Variants in RPS6KA2 observed in about 807,000 individuals in gnomAD.
RPS6KA2 encodes ribosomal protein S6 kinase alpha-2.
RPS6KA2 carries 42 observed loss-of-function variants against 91.8 expected under a neutral mutation model. The observed-to-expected ratio is 0.46, with a 90% CI of 0.36 to 0.59. RPS6KA2 has a LOEUF of 0.59. Ranked by LOEUF, RPS6KA2 falls within the 20% of genes least tolerant of loss-of-function variation. The probability of loss-of-function intolerance (pLI) is 0.00; values close to 1 mark genes in which losing one functional copy is unlikely to be tolerated. For missense variants in RPS6KA2, 798 were observed against 978.5 expected (o/e 0.82, Z 2.46); for synonymous variants, 414 against 393.6 (o/e 1.05, Z -0.61).
intron 3 of RPS6KA2, among the ~76,000 whole-genome samples, chr6:166,523,575 T>TATAATA (rs1055958356): frequency 6.6e-6 from 1 of 152,020 alleles, no homozygotes; most frequent in Admixed American, 6.6e-5. Context: ...TTTATAAAAA[T>TATAATA]ATAATAATAA....
Position 166,531,232 on chromosome 6 carries a change from C to T in RPS6KA2, c.298G>A (p.Val100Ile). 2 of 1,612,778 alleles carry T rather than the reference C, an allele frequency of 1.2e-6. No homozygotes were observed. Among genetic ancestry groups the T allele is most frequent in the Non-Finnish European group, 1.7e-6 (2 of 1,178,760 alleles). ...MKVLKKATLK[V>I]RDRVRSKMER... ...CAGCCGGCCCTTCCGAAGCTCTTAC[C>T]TTTTAGGGTGGCTTTCTTAAGGACC... Residue 100 changes from valine (V) to isoleucine (I), a missense_variant and splice_region_variant, in exon 3 of 21, where the codon GTT becomes ATT. Physicochemically the swap from Val to Ile is conservative, Grantham distance 29. Transcript: ENST00000265678.
At chr6:166,452,865 G>C (rs1473297392) in intron 12 of RPS6KA2, among the ~76,000 whole-genome samples, 1 of 152,144 alleles carries the variant, frequency 6.6e-6, no homozygotes, top group East Asian at 1.9e-4. Flanking sequence ...ATAAATCCTA[G>C]AGAAAACTCT....
chr6:166,466,891 C>CTCCCTTACTCAT (rs55768515), intron 11 of RPS6KA2, among the ~76,000 whole-genome samples: 29,228 of 150,516 alleles, frequency 0.19, 2,960 homozygotes, highest in Admixed American at 0.28. Context: ...CACTCATTCA[C>CTCCCTTACTCAT]TCACTCCCTC....
At chr6:166,470,223 C>T (rs1196304999) in intron 10 of RPS6KA2, among the ~76,000 whole-genome samples, 2 of 152,226 alleles carry the variant, frequency 1.3e-5, no homozygotes, top group African/African-American at 2.4e-5. Flanking sequence ...ACCCCACTGT[C>T]ACCCCCAGGA....
At chr6:166,583,063 A>T (rs368379598) in intron 1 of RPS6KA2, among the ~76,000 whole-genome samples, 5 of 152,228 alleles carry the variant, frequency 3.3e-5, no homozygotes, top group South Asian at 2.1e-4. Flanking sequence ...GACTTGAAGC[A>T]TATACACGAT....
intron 2 of RPS6KA2, among the ~76,000 whole-genome samples, chr6:166,795,207 A>G (rs1779194033): frequency 6.6e-6 from 1 of 152,246 alleles, no homozygotes; most frequent in South Asian, 2.1e-4. Context: ...TCAGTGTCTT[A>G]AAATCATAAA....
At chr6:166,534,510 TACGACCG>T (rs1257440822) in intron 2 of RPS6KA2, among the ~76,000 whole-genome samples, 2 of 152,160 alleles carry the variant, frequency 1.3e-5, no homozygotes, top group Non-Finnish European at 2.9e-5. Context: ...CCATAAGAAG[TACGACCG>T]TATAAACTCA....
chr6:166,842,010 C>T (rs1386379562), intron 2 of RPS6KA2, among the ~76,000 whole-genome samples: 1 of 152,080 alleles, frequency 6.6e-6, no homozygotes, highest in Non-Finnish European at 1.5e-5. Context: ...AAAGCCAGTG[C>T]CCAGGCAGCA....
At chr6:166,590,015 T>C (rs1785305576) in intron 1 of RPS6KA2, among the ~76,000 whole-genome samples, 1 of 151,856 alleles carries the variant, frequency 6.6e-6, no homozygotes, top group Admixed American at 6.6e-5. Flanking sequence ...TTGATTGGGG[T>C]GCTCAGAGGA....
At chr6:166,512,548 C>T (rs889162566) in intron 3 of RPS6KA2, among the ~76,000 whole-genome samples, 3 of 152,228 alleles carry the variant, frequency 2.0e-5, no homozygotes, top group Non-Finnish European at 4.4e-5. Context: ...TTAATACTCA[C>T]ACCTAGGATT....
chr6:166,766,750 T>C (rs1778322016), intron 2 of RPS6KA2, among the ~76,000 whole-genome samples: 1 of 152,266 alleles, frequency 6.6e-6, no homozygotes, highest in Admixed American at 6.5e-5. Flanking sequence ...GTGACTCAAG[T>C]AACTACAGGA....
intron 2 of RPS6KA2, among the ~76,000 whole-genome samples, chr6:166,829,524 A>G (rs1485140134): frequency 7.0e-6 from 1 of 142,286 alleles, no homozygotes; most frequent in Admixed American, 7.4e-5. Context: ...CTGGAGGCGG[A>G]GCTTGCAGTG....
intron 3 of RPS6KA2, among the ~76,000 whole-genome samples, chr6:166,512,812 C>T (rs1378655218): frequency 2.0e-5 from 3 of 152,198 alleles, no homozygotes; most frequent in Non-Finnish European, 2.9e-5. Flanking sequence ...ACACGGGGCC[C>T]GCCCACACTG....
At chr6:166,760,344 G>A (rs79573311) in intron 2 of RPS6KA2, among the ~76,000 whole-genome samples, 2,745 of 152,322 alleles carry the variant, frequency 0.018, 80 homozygotes, top group African/African-American at 0.061. Context: ...ATCTTCTTTC[G>A]AGGATATATT....
intron 1 of RPS6KA2, among the ~76,000 whole-genome samples, chr6:166,572,820 T>C (rs1391736375): frequency 6.6e-6 from 1 of 152,130 alleles, no homozygotes; most frequent in East Asian, 1.9e-4. Context: ...TCATGCAGGG[T>C]GTGAGACAGA....
At chr6:166,747,780 C>G (rs1228961757) in intron 2 of RPS6KA2, among the ~76,000 whole-genome samples, 4 of 152,242 alleles carry the variant, frequency 2.6e-5, no homozygotes, top group African/African-American at 7.2e-5. Context: ...CCTGACTGTA[C>G]TCCCATGGGT....
At chr6:166,844,966 G>GC (rs1780571588) in intron 2 of RPS6KA2, among the ~76,000 whole-genome samples, 1 of 152,064 alleles carries the variant, frequency 6.6e-6, no homozygotes, top group Non-Finnish European at 1.5e-5. Flanking sequence ...TGGCCTAAAT[G>GC]CCCCACTTAA....
intron 12 of RPS6KA2, among the ~76,000 whole-genome samples, chr6:166,454,729 C>A (rs529266278): frequency 1.3e-5 from 2 of 151,958 alleles, no homozygotes; most frequent in African/African-American, 4.8e-5. Context: ...TCAGAAGGAG[C>A]CACAGTTGCA....
chr6:166,851,148 G>A (rs1258708282), intron 2 of RPS6KA2, among the ~76,000 whole-genome samples: 2 of 152,190 alleles, frequency 1.3e-5, no homozygotes, highest in African/African-American at 4.8e-5. Context: ...CAGGGCTGAG[G>A]GAGGGTGCAA....
Sources: gnomAD v4.1 joint callset for allele counts (sites outside exome capture counted in the v4.1 genomes callset) on GRCh38, gnomAD v4.1.1 for gene constraint, MANE v1.5 for transcripts, NCBI Gene and HGNC (gene_info 2026-07-23, HGNC 2026-07-21) for gene names.